The following TUB variants were observed in gnomAD, a reference collection of about 807,000 sequenced individuals.
TUB encodes the protein tubby protein homolog.
In TUB, 33 loss-of-function variants were observed where a neutral mutation model predicts 59.7. The observed-to-expected ratio is 0.55, with a 90% CI of 0.42 to 0.74. The LOEUF is 0.74. Among genes scored for constraint, TUB ranks in the 30% least tolerant of loss-of-function variants. The probability of loss-of-function intolerance (pLI) is 0.00; values close to 1 mark genes in which losing one functional copy is unlikely to be tolerated. For missense variants in TUB, 659 were observed against 672.0 expected (o/e 0.98, Z 0.21); for synonymous variants, 293 against 256.4 (o/e 1.14, Z -1.36).
chr11:8,043,823 T>C (rs949824882), intron 2 of TUB, among the ~76,000 whole-genome samples: 1 of 152,218 alleles, frequency 6.6e-6, no homozygotes, highest in African/African-American at 2.4e-5. Flanking sequence ...CTTAGATTTT[T>C]ATTACACAAG....
At chr11:8,093,083 A>G (rs1943833698) in intron 3 of TUB, among the ~76,000 whole-genome samples, 1 of 152,036 alleles carries the variant, frequency 6.6e-6, no homozygotes, top group African/African-American at 2.4e-5. Context: ...CTAGGTGGAG[A>G]GACAATGTTA....
rs925278985 is a variant in TUB, at chr11:8,102,338, C to G, written c.*719C>G. On this transcript the variant is annotated 3_prime_UTR_variant, in exon 12 of 12. Transcript: ENST00000299506. ...TCTCACAGAGGCAGTAGGAACCCAG[C>G]TCTCAGGGCTGTCTTGGTGGATGGG... 1 of 152,194 alleles carries G rather than the reference C, an allele frequency of 6.6e-6. No homozygotes were observed. The highest frequency in any genetic ancestry group is 2.4e-5 in the African/African-American group (1 of 41,420). The allele number at this position is 152,194 out of a possible 1,614,324, so 9.4% of individuals were successfully genotyped here. A position where few individuals can be genotyped will look rare whatever the true frequency, so the allele number is the denominator to read the frequency against.
At chr11:8,044,175 T>A (rs1382726673) in intron 2 of TUB, among the ~76,000 whole-genome samples, 1 of 152,220 alleles carries the variant, frequency 6.6e-6, no homozygotes, top group East Asian at 1.9e-4. Context: ...ATATTTTTTC[T>A]GACTTTTCCC....
Position 8,047,340 on chromosome 11 carries a change from C to T in TUB, c.203+7648C>T, listed in dbSNP as rs570242732. Reference sequence around the variant, plus strand: ...TCACATGCAGTGCTAAACTCTATCACAAGTCTTAGTAAATTTATATCAATC... The same window carrying T: ...TCACATGCAGTGCTAAACTCTATCATAAGTCTTAGTAAATTTATATCAATC... On this transcript the variant is annotated intron_variant, in intron 2 of 12. Transcript: ENST00000305253. Among the ~76,000 whole-genome samples, 4 of 152,318 alleles carry T rather than the reference C, an allele frequency of 2.6e-5. No individual in the cohort carries two copies. The South Asian group carries it at 8.3e-4, about 32-fold the overall frequency.
intron 2 of TUB, among the ~76,000 whole-genome samples, chr11:8,053,199 T>C (rs1020433594): frequency 6.6e-6 from 1 of 152,254 alleles, no homozygotes; most frequent in African/African-American, 2.4e-5. Flanking sequence ...GGGTTACTCA[T>C]ATATAAACCA....
intron 11 of TUB, 126 bp downstream of exon 11, chr11:8,101,123 T>C: frequency 8.5e-7 from 1 of 1,178,112 alleles, no homozygotes; most frequent in South Asian, 1.5e-5. Flanking sequence ...CAGCTAAGGT[T>C]AGATGTATGG....
rs369256996 is a variant in TUB at position 8,039,688 on chromosome 11, G to A, written c.199G>A (p.Ala67Thr). 8.0e-5 allele frequency: 123 copies of A among 1,532,946 alleles called. No individual in the cohort carries two copies. Among genetic ancestry groups the A allele is most frequent in the Non-Finnish European group, 9.1e-5 (104 of 1,137,794 alleles). 95.0% of individuals were successfully genotyped at this position (1,532,946 alleles called of 1,614,324 possible). Reference sequence around the variant, plus strand: ...GTACTGGAAGGAAGGAAGGGAGATCGCTCGGTGAGCTGGAGGGGAGGAGGG... The same window carrying A: ...GTACTGGAAGGAAGGAAGGGAGATCACTCGGTGAGCTGGAGGGGAGGAGGG... Residue 67 changes from alanine (A) to threonine (T), a missense_variant, in exon 2 of 13, where the codon GCT becomes ACT. Coordinates refer to the TUB transcript ENST00000305253.
chr11:8,077,831 C>G (rs1382118374), upstream of TUB: 1 of 152,202 alleles, frequency 6.6e-6, no homozygotes, highest in Non-Finnish European at 1.5e-5. Flanking sequence ...TGAGAGCAGC[C>G]ATGCACCTGA....
chr11:8,100,657 CT>C (rs1944241440), intron 10 of TUB, 56 bp downstream of exon 10: 2 of 1,568,988 alleles, frequency 1.3e-6, no homozygotes, highest in African/African-American at 1.4e-5. Flanking sequence ...TCTGCATGAG[CT>C]TCTAAGGGCA....
intron 3 of TUB, among the ~76,000 whole-genome samples, chr11:8,090,593 C>T (rs4512892): frequency 0.031 from 4,795 of 152,270 alleles, 102 homozygotes; most frequent in Middle Eastern, 0.051. Flanking sequence ...GAGAGGAATC[C>T]GTCTCACTGT....
At position 8,104,656 on chromosome 11, in the gene TUB, C is replaced by T. The variant is rs1488365909; in HGVS notation, c.*3037C>T. Reference sequence around the variant, plus strand: ...CTCAGGGTTCTGAGTCAGAGGACACCATCCAAGAATGTTGTTAGCTTTTCA... The same window carrying T: ...CTCAGGGTTCTGAGTCAGAGGACACTATCCAAGAATGTTGTTAGCTTTTCA... On this transcript the variant is annotated 3_prime_UTR_variant, in exon 12 of 12. Coordinates refer to ENST00000299506, the MANE Select transcript of TUB (RefSeq NM_177972.3). 1 of 151,914 alleles carries T rather than the reference C, an allele frequency of 6.6e-6. No individual in the cohort carries two copies. Among genetic ancestry groups the T allele is most frequent in the African/African-American group, 2.4e-5 (1 of 41,406 alleles). The allele number at this position is 151,914 out of a possible 1,614,324, so 9.4% of individuals were successfully genotyped here.
At chr11:8,098,655 A>T (rs577137429) in intron 8 of TUB, 103 bp from the exon 9 acceptor site, 1 of 831,440 alleles carries the variant, frequency 1.2e-6, no homozygotes, top group African/African-American at 1.7e-5. Context: ...CTCCTGTTCC[A>T]GCCCAGAATG....
chr11:8,040,173 GCTTTCTA>G (rs1942723872), intron 2 of TUB, among the ~76,000 whole-genome samples: 1 of 152,196 alleles, frequency 6.6e-6, no homozygotes, highest in Admixed American at 6.5e-5. Context: ...TCCCAAGCCT[GCTTTCTA>G]ACATCAGGAG....
At chr11:8,050,595 T>A (rs1942919023) in intron 2 of TUB, among the ~76,000 whole-genome samples, 1 of 152,260 alleles carries the variant, frequency 6.6e-6, no homozygotes, top group Non-Finnish European at 1.5e-5. Context: ...ATTCATGTAT[T>A]TCTTTTTAAT....
At chr11:8,086,976 T>A (rs1009135222) in intron 1 of TUB, among the ~76,000 whole-genome samples, 11 of 152,104 alleles carry the variant, frequency 7.2e-5, no homozygotes, top group African/African-American at 2.7e-4. Flanking sequence ...TTTATCATTC[T>A]CCCCCATCAG....
At chr11:8,081,104 G>A (rs1412876988), upstream of TUB, among the ~76,000 whole-genome samples, 1 of 151,416 alleles carries the variant, frequency 6.6e-6, no homozygotes. Flanking sequence ...TTCGGGGGAG[G>A]GGGCAAGGGC....
rs1944278816 is a variant in TUB, at chr11:8,101,093, G to GT, written c.1387+99dup. The GT allele has an allele frequency of 5.7e-6, 8 of 1,401,162 alleles. 1 individual carries two copies. In the South Asian group the frequency reaches 9.1e-5, roughly 16 times the overall value. 86.8% of individuals were successfully genotyped at this position (1,401,162 alleles called of 1,614,324 possible). On this transcript the variant is annotated intron_variant, in intron 11 of 11. Coordinates refer to ENST00000299506, the MANE Select transcript of TUB (RefSeq NM_177972.3). Reference sequence around the variant, plus strand: ...CCTAGCCCTGCCTACACTGGCTAGAGTTTAAGAATGTGAGCTATACAGCTA... The same window carrying GT: ...CCTAGCCCTGCCTACACTGGCTAGAGTTTTAAGAATGTGAGCTATACAGCTA...
upstream of TUB, among the ~76,000 whole-genome samples, chr11:8,033,826 G>A: frequency 6.6e-6 from 1 of 152,268 alleles, no homozygotes; most frequent in Middle Eastern, 3.2e-3. Context: ...CCCAAGCTCA[G>A]AATGTATCCT....
chr11:8,057,561 C>T (rs1052876553), intron 2 of TUB, among the ~76,000 whole-genome samples: 1 of 152,176 alleles, frequency 6.6e-6, no homozygotes, highest in East Asian at 1.9e-4. Context: ...GTCCTGAAGA[C>T]CTTCCTCTGG....
Sources: allele counts gnomAD v4.1 joint callset (sites outside exome capture counted in the v4.1 genomes callset), GRCh38; gene constraint gnomAD v4.1.1; transcripts MANE v1.5; gene names NCBI Gene and HGNC (gene_info 2026-07-23, HGNC 2026-07-21).